CACNA1B: variants seen among roughly 807,000 people sequenced by gnomAD.
CACNA1B encodes the protein voltage-dependent N-type calcium channel subunit alpha-1B.
Under a neutral mutation model 247.2 loss-of-function variants are expected in CACNA1B, and 70 were observed. The ratio of observed to expected loss-of-function variants is 0.28; its 90% CI spans 0.23 to 0.35. CACNA1B has a LOEUF of 0.35. Among genes scored for constraint, CACNA1B ranks in the 10% least tolerant of loss-of-function variants. The pLI, the probability that CACNA1B is intolerant of heterozygous loss-of-function variation, is 1.00. For missense variants in CACNA1B, 2,367 were observed against 3,197.4 expected (o/e 0.74, Z 6.26); for synonymous variants, 1,231 against 1,294.4 (o/e 0.95, Z 1.05).
At chr9:137,964,386 T>C (rs1958052435) in intron 10 of CACNA1B, among the ~76,000 whole-genome samples, 1 of 152,230 alleles carries the variant, frequency 6.6e-6, no homozygotes, top group South Asian at 2.1e-4. Context: ...TTTTGTTCAT[T>C]TCTTTCCACT....
At chr9:138,116,613 G>T (rs965014666) in intron 42 of CACNA1B, among the ~76,000 whole-genome samples, 1 of 152,206 alleles carries the variant, frequency 6.6e-6, no homozygotes, top group Non-Finnish European at 1.5e-5. Context: ...TTGAGCTTCT[G>T]TTATTTCTGT....
Position 138,100,377 on chromosome 9 carries a change from C to A in CACNA1B, c.5223-2334C>A, listed in dbSNP as rs1284110447. On this transcript the variant is annotated intron_variant, in intron 37 of 46. Transcript: ENST00000371372. This position sits in a 1 kb window ranked among gnomAD's most constrained non-coding sequence, Gnocchi z 4.6. ...AGTGATGGTGTCAGGCCCACACTTT[C>A]CACCTGGGCTTGATGGGCAGGGACA... Among the ~76,000 whole-genome samples the A allele has an allele frequency of 3.9e-5, 6 of 152,080 alleles. No individual in the cohort carries two copies. Among genetic ancestry groups the A allele is most frequent in the Admixed American group, 6.6e-5 (1 of 15,266 alleles).
Position 138,102,658 on chromosome 9 carries a change from T to C in CACNA1B, c.5223-53T>C. On this transcript the variant is annotated intron_variant, in intron 37 of 46. Coordinates refer to ENST00000371372, the MANE Select transcript of CACNA1B (RefSeq NM_000718.4). This position sits in a 1 kb window ranked among gnomAD's most constrained non-coding sequence, Gnocchi z 5.4. Reference sequence around the variant, plus strand: ...CTCCCCGCTCCCCTCCTGCTGCCGCTCCTCCTGTGGACCACCCCACTGTGC... The same window carrying C: ...CTCCCCGCTCCCCTCCTGCTGCCGCCCCTCCTGTGGACCACCCCACTGTGC... The C allele has an allele frequency of 1.1e-6, 1 of 923,390 alleles. No homozygotes were observed. The allele number at this position is 923,390 out of a possible 1,614,324, so 57.2% of individuals were successfully genotyped here. A position where few individuals can be genotyped will look rare whatever the true frequency, so the allele number is the denominator to read the frequency against.
intron 20 of CACNA1B, among the ~76,000 whole-genome samples, chr9:138,038,423 A>AC (rs1038199752): frequency 7.3e-5 from 11 of 151,080 alleles, no homozygotes; most frequent in Admixed American, 2.0e-4. Context: ...TGTGGATTCC[A>AC]CCCCCCCACC....
rs1036673327 is a variant in CACNA1B at position 137,917,131 on chromosome 9, G to A, written c.776-110G>A. Reference sequence around the variant, plus strand: ...AGTTGAGGGAGAGTTTCTGTTGGTGGCTGGTTCCTGCCCACCTGCTGTGAG... The same window carrying A: ...AGTTGAGGGAGAGTTTCTGTTGGTGACTGGTTCCTGCCCACCTGCTGTGAG... On this transcript the variant is annotated intron_variant, in intron 5 of 46. Coordinates refer to ENST00000371372, the MANE Select transcript of CACNA1B (RefSeq NM_000718.4). This position sits in a 1 kb window ranked among gnomAD's most constrained non-coding sequence, Gnocchi z 5.5. 6 of 913,552 alleles carry A rather than the reference G, an allele frequency of 6.6e-6. No homozygotes were observed. In the African/African-American group the frequency reaches 6.7e-5, roughly 10 times the overall value. 56.6% of individuals were successfully genotyped at this position (913,552 alleles called of 1,614,324 possible).
At chr9:137,979,698 A>G (rs977963031) in intron 12 of CACNA1B, among the ~76,000 whole-genome samples, 1 of 152,130 alleles carries the variant, frequency 6.6e-6, no homozygotes, top group African/African-American at 2.4e-5. Flanking sequence ...AATCTTATCC[A>G]TTACAGTATC....
intron 35 of CACNA1B, among the ~76,000 whole-genome samples, 160 bp from the exon 36 acceptor site, chr9:138,077,954 A>C (rs1960384400): frequency 6.6e-6 from 1 of 152,226 alleles, no homozygotes; most frequent in Non-Finnish European, 1.5e-5. Flanking sequence ...CTAGTGCCAG[A>C]AGTTTCCTTT....
chr9:138,071,579 T>C (rs1960135819), intron 32 of CACNA1B, among the ~76,000 whole-genome samples: 1 of 152,042 alleles, frequency 6.6e-6, no homozygotes, highest in South Asian at 2.1e-4. Context: ...CTCTCCTGAG[T>C]ACCCACAGGA....
At chr9:138,066,579 G>A (rs988105333) in intron 31 of CACNA1B, among the ~76,000 whole-genome samples, 1 of 152,198 alleles carries the variant, frequency 6.6e-6, no homozygotes, top group African/African-American at 2.4e-5. Context: ...CGATCACAGG[G>A]CCTGTGTGGC....
chr9:138,089,781 G>A (rs1465650023), intron 36 of CACNA1B, among the ~76,000 whole-genome samples: 2 of 152,116 alleles, frequency 1.3e-5, no homozygotes, highest in African/African-American at 4.8e-5. Flanking sequence ...AACTCATAAA[G>A]TAATTCAGTA....
rs186594612 is a variant in CACNA1B at position 138,012,116 on chromosome 9, C to T, written c.2161-1013C>T. On this transcript the variant is annotated intron_variant, in intron 17 of 46. Coordinates refer to ENST00000371372, the MANE Select transcript of CACNA1B (RefSeq NM_000718.4). The surrounding 1 kb of genome is among the most constrained non-coding windows in gnomAD (Gnocchi z 4.2). The stretch of plus-strand genomic sequence containing the variant: ...ACATGCCCAGCCCTGAGGGCAGGAG[C>T]CATGTGAAGTTCAGGGCCAGGCACT... Among the ~76,000 whole-genome samples the T allele has an allele frequency of 4.7e-4, 71 of 152,320 alleles. 1 individual carries two copies. Among genetic ancestry groups the T allele is most frequent in the Non-Finnish European group, 4.4e-5 (3 of 68,028 alleles).
At chr9:137,928,741 C>A (rs1052613575) in intron 6 of CACNA1B, among the ~76,000 whole-genome samples, 9 of 152,146 alleles carry the variant, frequency 5.9e-5, no homozygotes, top group African/African-American at 2.2e-4. Flanking sequence ...TAAGCATTTT[C>A]ATTAACCAAA....
Position 138,052,116 on chromosome 9 carries a change from T to A in CACNA1B, c.3735T>A (p.Asn1245Lys). 6.2e-7 allele frequency: 1 copy of A among 1,609,938 alleles called. No homozygotes were observed. The highest frequency in any genetic ancestry group is 1.1e-5 in the South Asian group (1 of 90,808). Residue 1245 changes from asparagine (N) to lysine (K), a missense_variant, in exon 25 of 47, where the codon AAT becomes AAA. Asn to Lys is a moderately conservative substitution (Grantham distance 94). This residue lies in a region of CACNA1B where 436 missense variants were observed against 679.5 expected (regional missense o/e 0.64). Coordinates refer to ENST00000371372, the MANE Select transcript of CACNA1B (RefSeq NM_000718.4). This position sits in a 1 kb window ranked among gnomAD's most constrained non-coding sequence, Gnocchi z 5.1. ...GAGGATCCAAAGGGAAAGACATCAA[T>A]ACCATCAAGTCTCTGAGAGTCCTTC... ...AFSGSKGKDINTIKSLRVLRV... is the reference protein window; with the variant it reads ...AFSGSKGKDIKTIKSLRVLRV...
At chr9:137,932,764 A>G (rs1047748188) in intron 6 of CACNA1B, among the ~76,000 whole-genome samples, 2 of 152,214 alleles carry the variant, frequency 1.3e-5, no homozygotes, top group African/African-American at 4.8e-5. Context: ...TAGGCTGTCC[A>G]TCCTTTAAAG....
At chr9:138,117,382 C>A (rs1331316459) in intron 42 of CACNA1B, among the ~76,000 whole-genome samples, 1 of 152,064 alleles carries the variant, frequency 6.6e-6, no homozygotes, top group Non-Finnish European at 1.5e-5. Flanking sequence ...CGGGCGAGGC[C>A]CCCTACCCCC....
intron 6 of CACNA1B, among the ~76,000 whole-genome samples, chr9:137,932,111 T>C (rs1337449456): frequency 6.6e-6 from 1 of 152,220 alleles, no homozygotes; most frequent in African/African-American, 2.4e-5. Context: ...AAGTGACTGC[T>C]GCCAAGGAGT....
chr9:138,009,040 CTG>C (rs1462733589), intron 16 of CACNA1B, among the ~76,000 whole-genome samples: 4 of 152,200 alleles, frequency 2.6e-5, no homozygotes, highest in East Asian at 1.9e-4. Flanking sequence ...TTCTGGGAAA[CTG>C]TGCAGGGGCA....
At chr9:138,060,946 TGGC>T (rs1309440328) in intron 31 of CACNA1B, among the ~76,000 whole-genome samples, 4 of 152,340 alleles carry the variant, frequency 2.6e-5, no homozygotes, top group African/African-American at 9.6e-5. Context: ...CCCTGTCCTG[TGGC>T]CAGCCTTCTG....
At chr9:137,939,694 T>C (rs1957709190) in intron 6 of CACNA1B, among the ~76,000 whole-genome samples, 1 of 151,696 alleles carries the variant, frequency 6.6e-6, no homozygotes, top group Non-Finnish European at 1.5e-5. Flanking sequence ...TCCCAGCTAC[T>C]CAGGAGGCTG....
Sources: gnomAD v4.1 joint callset for allele counts (sites outside exome capture counted in the v4.1 genomes callset) on GRCh38, gnomAD v4.1.1 for gene constraint, gnomAD v4.1.1 regional missense constraint, Gnocchi (gnomAD v3.1) non-coding constraint, MANE v1.5 for transcripts, NCBI Gene and HGNC (gene_info 2026-07-23, HGNC 2026-07-21) for gene names.